Variants in PRH1 observed in about 807,000 individuals in gnomAD.
The protein encoded by PRH1 is salivary acidic proline-rich phosphoprotein 1/2.
In PRH1, 7 loss-of-function variants were observed where a neutral mutation model predicts 7.9. The ratio of observed to expected loss-of-function variants is 0.89; its 90% CI spans 0.50 to 1.67. The LOEUF is 1.67. PRH1 is among the 40% of genes most tolerant of loss of function. PRH1 has a pLI of 0.00. For synonymous variants in PRH1, 45 were observed against 80.8 expected (o/e 0.56, Z 2.38); for missense variants, 109 against 223.6 (o/e 0.49, Z 3.27).
At chr12:11,036,304 A>G (rs1233680120) in intron 1 of PRH1, among the ~76,000 whole-genome samples, 1 of 152,274 alleles carries the variant, frequency 6.6e-6, no homozygotes, top group Admixed American at 6.5e-5. Flanking sequence ...GACATCTGAC[A>G]TAAGTAGACT....
chr12:10,915,186 G>A (rs1036369818), intron 2 of PRH1, among the ~76,000 whole-genome samples: 1 of 152,152 alleles, frequency 6.6e-6, no homozygotes, highest in East Asian at 1.9e-4. Context: ...ATTATCTCAA[G>A]GGTATGGTTG....
intron 1 of PRH1, among the ~76,000 whole-genome samples, chr12:11,067,888 T>G (rs1211521189): frequency 1.3e-5 from 2 of 152,094 alleles, no homozygotes; most frequent in Non-Finnish European, 2.9e-5. Context: ...ATTTTAAATT[T>G]TAACTTGGAT....
rs1288782922 is a variant in PRH1, at chr12:10,884,142, A to C, written c.64+12T>G. On this transcript the variant is annotated intron_variant, in intron 1 of 3. Coordinates refer to ENST00000543626, the MANE Select transcript of PRH1 (RefSeq NM_001393989.1). Reference sequence around the variant, plus strand: ...AATCAGAGTCACAATATCTTCCCCCAATTCATCTTACCTTCATTTAAATCC... The same window carrying C: ...AATCAGAGTCACAATATCTTCCCCCCATTCATCTTACCTTCATTTAAATCC... 6.2e-7 allele frequency: 1 copy of C among 1,614,074 alleles called. No homozygotes were observed. Among genetic ancestry groups the C allele is most frequent in the Admixed American group, 1.7e-5 (1 of 60,014 alleles).
At chr12:11,011,634 A>T (rs932444131) in intron 1 of PRH1, among the ~76,000 whole-genome samples, 3 of 152,170 alleles carry the variant, frequency 2.0e-5, no homozygotes, top group African/African-American at 7.2e-5. Context: ...TGTCATATGG[A>T]ACTTGGTCAT....
chr12:11,037,935 A>C (rs1301321164), intron 1 of PRH1, among the ~76,000 whole-genome samples: 1 of 152,246 alleles, frequency 6.6e-6, no homozygotes, highest in East Asian at 1.9e-4. Context: ...CTAGATATTC[A>C]GGAGGCTGAG....
intron 2 of PRH1, among the ~76,000 whole-genome samples, chr12:10,911,913 TAAC>T (rs1949906071): frequency 6.6e-6 from 1 of 152,188 alleles, no homozygotes; most frequent in African/African-American, 2.4e-5. Context: ...ATTCCAGAAG[TAAC>T]AACTATCTGC....
At chr12:10,915,747 T>C (rs1039620430) in intron 2 of PRH1, among the ~76,000 whole-genome samples, 7 of 152,216 alleles carry the variant, frequency 4.6e-5, no homozygotes, top group African/African-American at 1.4e-4. Flanking sequence ...TAGCCAAACA[T>C]TTGATTGGTT....
At chr12:11,040,583 A>G (rs1405929866) in intron 1 of PRH1, among the ~76,000 whole-genome samples, 1 of 152,174 alleles carries the variant, frequency 6.6e-6, no homozygotes, top group Non-Finnish European at 1.5e-5. Context: ...GGAGCTAGGG[A>G]TAGCATTAGG....
At chr12:11,085,847 T>C (rs1187810132) in intron 1 of PRH1, among the ~76,000 whole-genome samples, 1 of 120,334 alleles carries the variant, frequency 8.3e-6, no homozygotes, top group African/African-American at 2.8e-5. Context: ...TTAGGGAAAT[T>C]TTCCAAACTA....
intron 1 of PRH1, among the ~76,000 whole-genome samples, chr12:11,127,938 C>T (rs1436801520): frequency 1.3e-5 from 2 of 151,836 alleles, no homozygotes; most frequent in Non-Finnish European, 1.5e-5. Context: ...AACCTCGTCT[C>T]TACTAAAAAT....
intron 1 of PRH1, among the ~76,000 whole-genome samples, chr12:11,165,475 A>AGG (rs1947546477): frequency 3.3e-5 from 5 of 152,094 alleles, no homozygotes; most frequent in Admixed American, 6.5e-5. Flanking sequence ...TGAGCTTCTT[A>AGG]TATAGTTTCT....
At chr12:10,951,702 A>G (rs974077357) in intron 2 of PRH1, among the ~76,000 whole-genome samples, 12 of 152,348 alleles carry the variant, frequency 7.9e-5, no homozygotes, top group African/African-American at 1.2e-4. Flanking sequence ...GAATTATTTA[A>G]TTAAATATTC....
intron 1 of PRH1, among the ~76,000 whole-genome samples, chr12:11,011,973 T>C (rs1941088512): frequency 6.6e-6 from 1 of 152,158 alleles, no homozygotes; most frequent in African/African-American, 2.4e-5. Flanking sequence ...TTTCAGCCCA[T>C]TTTCAATATT....
At chr12:10,886,217 G>A (rs762188419), upstream of PRH1, among the ~76,000 whole-genome samples, 2 of 152,138 alleles carry the variant, frequency 1.3e-5, no homozygotes, top group South Asian at 2.1e-4. Context: ...ACCTGGAGAT[G>A]AGCAGTCCTG....
chr12:11,119,439 G>T (rs1239015995), downstream of PRH1, among the ~76,000 whole-genome samples: 2 of 151,988 alleles, frequency 1.3e-5, no homozygotes, highest in African/African-American at 4.8e-5. Context: ...TGGATTGTTT[G>T]TAACAAAAAA....
chr12:10,906,965 A>G (rs1268363754), intron 2 of PRH1, among the ~76,000 whole-genome samples: 4 of 152,202 alleles, frequency 2.6e-5, no homozygotes, highest in African/African-American at 7.2e-5. Context: ...AGGTTGTATG[A>G]ATGACCCAAA....
chr12:11,126,865 T>C (rs939466609), intron 1 of PRH1, among the ~76,000 whole-genome samples: 2 of 152,266 alleles, frequency 1.3e-5, no homozygotes, highest in Admixed American at 6.5e-5. Flanking sequence ...AATATCAAAA[T>C]AGTCTATAAG....
At chr12:11,005,977 AT>A (rs1479079326) in intron 1 of PRH1, 2 of 151,974 alleles carry the variant, frequency 1.3e-5, no homozygotes, top group African/African-American at 4.8e-5. Flanking sequence ...TGTTTAATTT[AT>A]TTTTGATTAT....
At chr12:11,047,173 C>A in exon 1 of PRH1, 2 of 392,854 alleles carry the variant, frequency 5.1e-6, no homozygotes, top group South Asian at 3.8e-5. Flanking sequence ...GGGCCTTGAG[C>A]CAAATGCTGG....
Sources: allele counts gnomAD v4.1 joint callset (sites outside exome capture counted in the v4.1 genomes callset), GRCh38; gene constraint gnomAD v4.1.1; transcripts MANE v1.5; gene names NCBI Gene and HGNC (gene_info 2026-07-23, HGNC 2026-07-21).